The following ZNF724 variants were observed in gnomAD, a reference collection of about 807,000 sequenced individuals.
ZNF724 encodes the protein zinc finger protein 724, also known as zinc finger protein 724 pseudogene.
ZNF724 carries 14 observed loss-of-function variants against 29.3 expected under a neutral mutation model. That is an observed-to-expected ratio of 0.48 (90% CI 0.32 to 0.75). The LOEUF (loss-of-function observed/expected upper bound fraction) is 0.75. Ranked by LOEUF, ZNF724 falls within the 30% of genes least tolerant of loss-of-function variation. The pLI, the probability that ZNF724 is intolerant of heterozygous loss-of-function variation, is 0.04. For synonymous variants in ZNF724, 180 were observed against 193.6 expected, an observed-to-expected ratio of 0.93 and a Z score of 0.58; for missense variants, 557 against 571.2, an observed-to-expected ratio of 0.98 and a Z score of 0.25.
At position 23,232,683 on chromosome 19, in the gene ZNF724, CTT is replaced by C. The variant is rs34773810; in HGVS notation, c.4-392_4-391del. Among the ~76,000 whole-genome samples, 622 of 144,554 alleles carry C rather than the reference CTT, an allele frequency of 4.3e-3. 5 individuals carry two copies. Among genetic ancestry groups the C allele is most frequent in the Non-Finnish European group, 6.7e-3 (439 of 65,638 alleles). 94.8% of individuals were successfully genotyped at this position (144,554 alleles called of 152,430 possible). On this transcript the variant is annotated intron_variant, in intron 1 of 3. Coordinates refer to ENST00000418100, the MANE Select transcript of ZNF724 (RefSeq NM_001355404.2). Reference sequence around the variant, plus strand: ...ACAATAAACTGGAAATCTTGTTATGCTTTTTTTTTTTTTGCAGAAGATCTGGA... The same window carrying C: ...ACAATAAACTGGAAATCTTGTTATGCTTTTTTTTTTTGCAGAAGATCTGGA...
intron 1 of ZNF724, among the ~76,000 whole-genome samples, chr19:23,238,463 C>A (rs1972060615): frequency 6.6e-6 from 1 of 152,200 alleles, no homozygotes; most frequent in Admixed American, 6.6e-5. Flanking sequence ...CAAAAGGTTT[C>A]TTTAGCTGTA....
At chr19:23,224,384 C>T (rs767925196) in intron 3 of ZNF724, among the ~76,000 whole-genome samples, 16 of 151,964 alleles carry the variant, frequency 1.1e-4, no homozygotes, top group South Asian at 8.3e-4. Flanking sequence ...AGGCACTCCA[C>T]GCTGGAGAAC....
At chr19:23,237,307 A>C (rs1388830577) in intron 1 of ZNF724, among the ~76,000 whole-genome samples, 6 of 152,202 alleles carry the variant, frequency 3.9e-5, no homozygotes, top group Non-Finnish European at 8.8e-5. Flanking sequence ...GCAGTATTCG[A>C]GTTTAGTAAA....
At chr19:23,241,459 C>T (rs1972122744) in intron 1 of ZNF724, among the ~76,000 whole-genome samples, 1 of 152,030 alleles carries the variant, frequency 6.6e-6, no homozygotes. Flanking sequence ...AAACCTCAGG[C>T]TAATATCCTT....
chr19:23,246,025 AG>A (rs1158620343), intron 1 of ZNF724, among the ~76,000 whole-genome samples: 1 of 152,122 alleles, frequency 6.6e-6, no homozygotes, highest in African/African-American at 2.4e-5. Flanking sequence ...GAGGCTCCCC[AG>A]GAAGAACTAA....
At chr19:23,249,241 C>CTTTTTTTTTTTTTTTTTTTTTTTTTTTTT (rs35301912) in intron 1 of ZNF724, among the ~76,000 whole-genome samples, 1 of 133,812 alleles carries the variant, frequency 7.5e-6, no homozygotes, top group South Asian at 2.4e-4. Flanking sequence ...CAGAGACTGC[C>CTTTTTTTTTTTTTTTTTTTTTTTTTTTTT]TTTTTTTTTT....
chr19:23,222,501 CCTTAT>C lies in ZNF724; in HGVS notation c.1739_1743del (p.His580ArgfsTer12), dbSNP rs1568336423. The C allele has an allele frequency of 2.7e-6, 3 of 1,093,770 alleles. No homozygotes were observed. The African/African-American group carries it at 5.5e-5, about 20-fold the overall frequency. 67.8% of individuals were successfully genotyped at this position (1,093,770 alleles called of 1,614,324 possible). Reference sequence around the variant, plus strand: ...TAGGGTTTCTCTCCAGTATGAATTACCTTATGTTTAGTCAGAGTTGAGGACCAATT... The same window carrying C: ...TAGGGTTTCTCTCCAGTATGAATTACGTTTAGTCAGAGTTGAGGACCAATT... On this transcript the variant is annotated frameshift_variant, in exon 4 of 4. Coordinates refer to ENST00000418100, the MANE Select transcript of ZNF724 (RefSeq NM_001355404.2). LOFTEE classifies it high-confidence loss of function.
Position 23,232,251 on chromosome 19 carries a change from CCA to C in ZNF724, c.44_45del (p.Val15GlyfsTer15), listed in dbSNP as rs1971948864. ...GCAGTGTCCAGGCATTGCCACTCCT[CCA>C]CAGAGAATTCTATGGCCACATCCAT... ...TFMDVAIEFS[V>X]EEWQCLDTAQ... On this transcript the variant is annotated frameshift_variant, in exon 2 of 4. Coordinates refer to ENST00000418100, the MANE Select transcript of ZNF724 (RefSeq NM_001355404.2). LOFTEE classifies it high-confidence loss of function. 1 of 1,281,868 alleles carries C rather than the reference CCA, an allele frequency of 7.8e-7. No individual in the cohort carries two copies. The highest frequency in any genetic ancestry group is 1.1e-6 in the Non-Finnish European group (1 of 877,316). The allele number at this position is 1,281,868 out of a possible 1,614,324, so 79.4% of individuals were successfully genotyped here. A position where few individuals can be genotyped will look rare whatever the true frequency, so the allele number is the denominator to read the frequency against.
chr19:23,249,023 G>T (rs1310203792), intron 1 of ZNF724, among the ~76,000 whole-genome samples: 1 of 44,118 alleles, frequency 2.3e-5, no homozygotes, highest in African/African-American at 4.3e-5. Flanking sequence ...AAAAAACTAA[G>T]AAGAAGAAAA....
intron 1 of ZNF724, chr19:23,236,179 A>G (rs1972018376): frequency 6.6e-6 from 1 of 152,072 alleles, no homozygotes; most frequent in Non-Finnish European, 1.5e-5. Context: ...TGAGCACTAT[A>G]CTCTGCTTGC....
At position 23,223,796 on chromosome 19, in the gene ZNF724, TA is replaced by T; in HGVS notation, c.448del (p.Tyr150MetfsTer2). 2.6e-6 allele frequency: 2 copies of T among 776,706 alleles called. No homozygotes were observed. Among genetic ancestry groups the T allele is most frequent in the Non-Finnish European group, 4.8e-6 (2 of 416,140 alleles). The allele number at this position is 776,706 out of a possible 1,614,324, so 48.1% of individuals were successfully genotyped here. On this transcript the variant is annotated frameshift_variant, in exon 4 of 4. Transcript: ENST00000418100. LOFTEE classifies it low-confidence loss of function (END_TRUNC). ...TGAAAATTTATGAAAGTCTTTCACA[TA>T]TTTATCACACTGAAATATTTTGCTC... is the stretch of plus-strand genomic sequence containing the variant. ...TQSKIFQCDK[Y>X]VKDFHKFSNS...
intron 1 of ZNF724, chr19:23,236,250 C>A (rs1044276709): frequency 2.6e-5 from 4 of 152,284 alleles, no homozygotes; most frequent in Non-Finnish European, 5.9e-5. Context: ...GCTGGCAGCT[C>A]ACATCTTACA....
At chr19:23,227,484 A>C (rs565166910) in intron 3 of ZNF724, among the ~76,000 whole-genome samples, 95 of 134,304 alleles carry the variant, frequency 7.1e-4, no homozygotes, top group African/African-American at 2.4e-3. Context: ...TGAACCCAGG[A>C]GGTGGAGGTT....
Position 23,250,367 on chromosome 19 carries a change from C to G in ZNF724, c.-125G>C. 1 of 481,180 alleles carries G rather than the reference C, an allele frequency of 2.1e-6. No homozygotes were observed. The allele number at this position is 481,180 out of a possible 1,614,324, so 29.8% of individuals were successfully genotyped here. A position where few individuals can be genotyped will look rare whatever the true frequency, so the allele number is the denominator to read the frequency against. On this transcript the variant is annotated 5_prime_UTR_variant, in exon 1 of 4. Coordinates refer to ENST00000418100, the MANE Select transcript of ZNF724 (RefSeq NM_001355404.2). ...ACAAAGCAGGGAAGACGAGACCAAG[C>G]GCTCCAGCTGCAGCGAGAGACAAAG... is the stretch of plus-strand genomic sequence containing the variant.
chr19:23,225,064 A>G (rs1971802650), intron 3 of ZNF724, among the ~76,000 whole-genome samples: 1 of 152,234 alleles, frequency 6.6e-6, no homozygotes, highest in African/African-American at 2.4e-5. Flanking sequence ...CCAAGGATGC[A>G]GCCATTATTT....
In ZNF724 at chr19:23,231,815, C is replaced by T. The variant is rs1971938050; in HGVS notation, c.130+352G>A. 1.3e-5 allele frequency among the ~76,000 whole-genome samples: 2 copies of T among 151,966 alleles called. 1 individual carries two copies. The highest frequency in any genetic ancestry group is 4.2e-4 in the South Asian group (2 of 4,808). On this transcript the variant is annotated intron_variant, in intron 2 of 3. Coordinates refer to ENST00000418100, the MANE Select transcript of ZNF724 (RefSeq NM_001355404.2). ...GTGGTACGATCTCGGCTCACTGCAACCTCCATCTCCCGGGTTCAAGTGATT... is the reference window on the plus strand; with the variant it reads ...GTGGTACGATCTCGGCTCACTGCAATCTCCATCTCCCGGGTTCAAGTGATT...
intron 3 of ZNF724, among the ~76,000 whole-genome samples, 198 bp from the exon 4 acceptor site, chr19:23,224,216 A>T (rs551688509): frequency 2.6e-5 from 4 of 152,284 alleles, no homozygotes; most frequent in African/African-American, 9.6e-5. Flanking sequence ...GTTTGAGACC[A>T]GTCTGGCCAA....
At chr19:23,230,652 A>AT (rs1971920055) in intron 3 of ZNF724, among the ~76,000 whole-genome samples, 1 of 152,212 alleles carries the variant, frequency 6.6e-6, no homozygotes, top group African/African-American at 2.4e-5. Flanking sequence ...CCACCAAAAC[A>AT]TTAAAAAAGC....
At chr19:23,234,651 C>G (rs576983493) in intron 1 of ZNF724, among the ~76,000 whole-genome samples, 3 of 152,054 alleles carry the variant, frequency 2.0e-5, no homozygotes, top group African/African-American at 7.2e-5. Context: ...GGGATTTTAC[C>G]ATGTTGGACA....
Sources: allele counts gnomAD v4.1 joint callset (sites outside exome capture counted in the v4.1 genomes callset), GRCh38; gene constraint gnomAD v4.1.1; transcripts MANE v1.5; gene names NCBI Gene and HGNC (gene_info 2026-07-23, HGNC 2026-07-21).